Variants in NKAIN2 observed in about 807,000 individuals in gnomAD.
NKAIN2 encodes the protein sodium/potassium transporting ATPase interacting 2, also known as sodium/potassium-transporting ATPase subunit beta-1-interacting protein 2.
Under a neutral mutation model 32.6 loss-of-function variants are expected in NKAIN2, and 14 were observed. That is an observed-to-expected ratio of 0.43 (90% CI 0.28 to 0.67). NKAIN2 has a LOEUF of 0.67. Ranked by LOEUF, NKAIN2 falls within the 30% of genes least tolerant of loss-of-function variation. The pLI, the probability that NKAIN2 is intolerant of heterozygous loss-of-function variation, is 0.17. For missense variants in NKAIN2, 198 were observed against 258.3 expected (o/e 0.77, Z 1.60); for synonymous variants, 80 against 87.2 (o/e 0.92, Z 0.46).
chr6:124,339,805 G>A (rs1029887948), intron 2 of NKAIN2, among the ~76,000 whole-genome samples: 1 of 152,070 alleles, frequency 6.6e-6, no homozygotes, highest in African/African-American at 2.4e-5. Context: ...CCATTTCCCA[G>A]CCTACTATTG....
At chr6:123,978,051 T>G (rs576772660) in intron 1 of NKAIN2, among the ~76,000 whole-genome samples, 1 of 152,204 alleles carries the variant, frequency 6.6e-6, no homozygotes, top group Non-Finnish European at 1.5e-5. Flanking sequence ...TTAATACTTA[T>G]CATGTTTATG....
chr6:124,585,055 C>A (rs866566861), intron 3 of NKAIN2, among the ~76,000 whole-genome samples: 2 of 152,154 alleles, frequency 1.3e-5, no homozygotes, highest in Non-Finnish European at 2.9e-5. Flanking sequence ...TTTGAAGCAA[C>A]CTAAGTGTCC....
chr6:124,125,203 A>G (rs963048751), intron 1 of NKAIN2, among the ~76,000 whole-genome samples: 6 of 152,152 alleles, frequency 3.9e-5, no homozygotes, highest in Non-Finnish European at 5.9e-5. Context: ...GGATTTTACA[A>G]TAGCTTTTCA....
intron 3 of NKAIN2, among the ~76,000 whole-genome samples, chr6:124,497,542 C>T (rs888133695): frequency 1.3e-5 from 2 of 151,646 alleles, no homozygotes; most frequent in South Asian, 4.2e-4. Flanking sequence ...ACTTTTTTTT[C>T]CCTATAAATC....
chr6:124,464,881 G>GT (rs910981775), intron 3 of NKAIN2, among the ~76,000 whole-genome samples: 41 of 151,178 alleles, frequency 2.7e-4, no homozygotes, highest in South Asian at 4.2e-4. Context: ...ATTTAAAGTA[G>GT]TTTTTTTTTC....
At chr6:124,774,851 C>T (rs1012694431) in intron 4 of NKAIN2, among the ~76,000 whole-genome samples, 9 of 107,494 alleles carry the variant, frequency 8.4e-5, no homozygotes, top group African/African-American at 3.4e-4. Context: ...AGCAAAACTT[C>T]ATCTCAAAAA....
chr6:123,804,628 T>G (rs184365405), intron 1 of NKAIN2, among the ~76,000 whole-genome samples: 1 of 152,360 alleles, frequency 6.6e-6, no homozygotes, highest in Admixed American at 6.5e-5. Context: ...ATACGGAATT[T>G]TGGACTTTTC....
Position 124,161,340 on chromosome 6 carries a change from G to A in NKAIN2, c.55-121665G>A, listed in dbSNP as rs536083249. ...TCACTGTCACAAGAACAGCACCAAG[G>A]TATAAATCTGCCCCCATGATTCAAA... On this transcript the variant is annotated intron_variant, in intron 1 of 6. Transcript: ENST00000368417. Among the ~76,000 whole-genome samples, 12 of 152,130 alleles carry A rather than the reference G, an allele frequency of 7.9e-5. No individual in the cohort carries two copies. The East Asian group carries it at 2.1e-3, about 27-fold the overall frequency.
chr6:124,421,844 C>T (rs909773425), intron 3 of NKAIN2, among the ~76,000 whole-genome samples: 9 of 152,098 alleles, frequency 5.9e-5, no homozygotes, highest in Non-Finnish European at 1.3e-4. Context: ...TTCTTTCTCG[C>T]GGGAAACGTA....
intron 1 of NKAIN2, among the ~76,000 whole-genome samples, chr6:123,844,671 T>A (rs1350824516): frequency 1.3e-5 from 2 of 152,202 alleles, no homozygotes; most frequent in African/African-American, 4.8e-5. Context: ...ACAAATGCTG[T>A]TGTCTAAAGA....
At chr6:124,234,800 C>T (rs955875153) in intron 1 of NKAIN2, among the ~76,000 whole-genome samples, 1 of 152,110 alleles carries the variant, frequency 6.6e-6, no homozygotes, top group Non-Finnish European at 1.5e-5. Context: ...CTAAAACTAA[C>T]AAAAAAGTTG....
chr6:124,059,896 G>T (rs1782845386), intron 1 of NKAIN2, among the ~76,000 whole-genome samples: 1 of 152,080 alleles, frequency 6.6e-6, no homozygotes, highest in African/African-American at 2.4e-5. Flanking sequence ...CTGTCATGGT[G>T]TTCATTATTT....
At chr6:124,728,850 A>T (rs926768180) in intron 4 of NKAIN2, among the ~76,000 whole-genome samples, 2 of 151,854 alleles carry the variant, frequency 1.3e-5, no homozygotes, top group Non-Finnish European at 2.9e-5. Context: ...AATCTAATAG[A>T]CGCAATAAAA....
chr6:123,990,291 G>GTA (rs1302478307), intron 1 of NKAIN2, among the ~76,000 whole-genome samples: 3 of 152,172 alleles, frequency 2.0e-5, no homozygotes, highest in African/African-American at 7.2e-5. Context: ...AAAACGTGTA[G>GTA]TTTGTGCTAG....
At chr6:124,692,413 TA>T (rs1364270843) in intron 4 of NKAIN2, among the ~76,000 whole-genome samples, 1 of 152,168 alleles carries the variant, frequency 6.6e-6, no homozygotes, top group Non-Finnish European at 1.5e-5. Context: ...CTCTGTGAGA[TA>T]AATGAGCACA....
chr6:124,287,786 T>G (rs1339626295), intron 2 of NKAIN2, among the ~76,000 whole-genome samples: 1 of 152,184 alleles, frequency 6.6e-6, no homozygotes, highest in Non-Finnish European at 1.5e-5. Flanking sequence ...TATAAGTTAA[T>G]GATAAAATAA....
At chr6:123,904,430 C>T (rs1378623564) in intron 1 of NKAIN2, among the ~76,000 whole-genome samples, 1 of 152,122 alleles carries the variant, frequency 6.6e-6, no homozygotes, top group Non-Finnish European at 1.5e-5. Context: ...TATCATCTTC[C>T]TGCTTTGTGC....
chr6:124,143,835 A>C (rs1322787142), intron 1 of NKAIN2, among the ~76,000 whole-genome samples: 1 of 152,208 alleles, frequency 6.6e-6, no homozygotes, highest in African/African-American at 2.4e-5. Context: ...GCAAGTTTTT[A>C]TGATAAAGGT....
intron 1 of NKAIN2, among the ~76,000 whole-genome samples, chr6:123,902,831 C>T (rs959747560): frequency 6.6e-6 from 1 of 152,130 alleles, no homozygotes; most frequent in Admixed American, 6.5e-5. Flanking sequence ...TTTAATCTAG[C>T]TTCATCTAGG....
Sources: gnomAD v4.1 joint callset for allele counts (sites outside exome capture counted in the v4.1 genomes callset) on GRCh38, gnomAD v4.1.1 for gene constraint, MANE v1.5 for transcripts, NCBI Gene and HGNC (gene_info 2026-07-23, HGNC 2026-07-21) for gene names.